The following OSBPL1A variants were observed in gnomAD, a reference collection of about 807,000 sequenced individuals.
OSBPL1A encodes the protein oxysterol-binding protein-related protein 1.
OSBPL1A carries 80 observed loss-of-function variants against 137.1 expected under a neutral mutation model. That is an observed-to-expected ratio of 0.58 (90% CI 0.49 to 0.70). The LOEUF (loss-of-function observed/expected upper bound fraction) is 0.70, where lower values mean the gene tolerates loss of function less well. Ranked by LOEUF, OSBPL1A falls within the 30% of genes least tolerant of loss-of-function variation. OSBPL1A has a pLI of 0.00. For synonymous variants in OSBPL1A, 365 were observed against 389.7 expected (o/e 0.94, Z 0.75); for missense variants, 970 against 1,129.4 (o/e 0.86, Z 2.02).
chr18:24,229,710 C>T (rs1242376817), intron 16 of OSBPL1A, among the ~76,000 whole-genome samples: 1 of 151,986 alleles, frequency 6.6e-6, no homozygotes, highest in Non-Finnish European at 1.5e-5. Flanking sequence ...CAAATCAGTG[C>T]TACATCTTGG....
At chr18:24,253,956 A>G (rs2089190617) in intron 15 of OSBPL1A, among the ~76,000 whole-genome samples, 1 of 152,202 alleles carries the variant, frequency 6.6e-6, no homozygotes, top group Non-Finnish European at 1.5e-5. Flanking sequence ...CAAGGCAAAA[A>G]GGGGGTCTTT....
Position 24,271,624 on chromosome 18 carries a change from G to A in OSBPL1A, c.1281+9218C>T. 2 of 985,818 alleles carry A rather than the reference G, an allele frequency of 2.0e-6. No homozygotes were observed. The highest frequency in any genetic ancestry group is 2.4e-6 in the Non-Finnish European group (2 of 830,226). 61.1% of individuals were successfully genotyped at this position (985,818 alleles called of 1,614,324 possible). ...GAGCTGCAAATACACCCACCTACCT[G>A]GGCCAGATCCGAGGACCCCGGCTGG... On this transcript the variant is annotated intron_variant, in intron 15 of 27. Coordinates refer to ENST00000319481, the MANE Select transcript of OSBPL1A (RefSeq NM_080597.4). The surrounding 1 kb of genome is among the most constrained non-coding windows in gnomAD (Gnocchi z 4.0).
At chr18:24,163,421 T>C (rs1435060758) in intron 27 of OSBPL1A, 140 bp from the exon 28 acceptor site, 3 of 585,718 alleles carry the variant, frequency 5.1e-6, no homozygotes, top group South Asian at 4.5e-5. Context: ...GCTGAAGTGA[T>C]GCTGTATTTC....
intron 2 of OSBPL1A, among the ~76,000 whole-genome samples, chr18:24,375,657 C>G (rs568808273): frequency 2.3e-3 from 353 of 152,288 alleles, no homozygotes; most frequent in Non-Finnish European, 4.3e-3. Flanking sequence ...TCCCATGACA[C>G]CTGCACTTCC....
At chr18:24,273,618 T>C (rs2089774172) in intron 15 of OSBPL1A, among the ~76,000 whole-genome samples, 1 of 152,258 alleles carries the variant, frequency 6.6e-6, no homozygotes, top group African/African-American at 2.4e-5. Flanking sequence ...ACATTCATTA[T>C]TCATTCATTC....
chr18:24,266,663 G>T (rs896866555), intron 15 of OSBPL1A, among the ~76,000 whole-genome samples: 1 of 152,148 alleles, frequency 6.6e-6, no homozygotes, highest in African/African-American at 2.4e-5. Flanking sequence ...TACCTTTTAG[G>T]CTTTTTAAAT....
Position 24,198,863 on chromosome 18 carries a change from G to GTT in OSBPL1A, c.1602-2665_1602-2664dup, listed in dbSNP as rs570099539. On this transcript the variant is annotated intron_variant, in intron 17 of 27. Transcript: ENST00000319481. ...TGTTGTTTTGGTGTTTTTTTTTGTT[G>GTT]TTTTTTTTTTTTGAGAGAGAGTCAC... Among the ~76,000 whole-genome samples the GTT allele has an allele frequency of 9.1e-3, 1,295 of 141,660 alleles. 11 individuals are homozygous for GTT. Among genetic ancestry groups the GTT allele is most frequent in the Middle Eastern group, 0.022 (6 of 274 alleles). The allele number at this position is 141,660 out of a possible 152,430, so 92.9% of individuals were successfully genotyped here.
intron 4 of OSBPL1A, among the ~76,000 whole-genome samples, chr18:24,353,730 A>C (rs926116701): frequency 2.9e-4 from 44 of 152,040 alleles, no homozygotes; most frequent in African/African-American, 1.1e-3. Context: ...ATGGAATACT[A>C]TGCAGCCATA....
intron 2 of OSBPL1A, among the ~76,000 whole-genome samples, chr18:24,373,939 AT>A (rs1905878380): frequency 6.6e-6 from 1 of 152,162 alleles, no homozygotes; most frequent in South Asian, 2.1e-4. Context: ...ATTGAAAAAA[AT>A]ATTAACATAT....
intron 15 of OSBPL1A, among the ~76,000 whole-genome samples, chr18:24,269,787 T>C (rs909202429): frequency 2.7e-5 from 4 of 150,534 alleles, no homozygotes; most frequent in African/African-American, 9.8e-5. Context: ...ATAGTCTTGG[T>C]ACCATCGTGA....
At chr18:24,390,646 G>T (rs1255737419) in intron 1 of OSBPL1A, among the ~76,000 whole-genome samples, 1 of 119,894 alleles carries the variant, frequency 8.3e-6, no homozygotes, top group Non-Finnish European at 1.6e-5. Flanking sequence ...AGTGAGCCAA[G>T]ATCGTGCTAC....
At chr18:24,228,502 T>C (rs933083781) in intron 16 of OSBPL1A, among the ~76,000 whole-genome samples, 1 of 152,108 alleles carries the variant, frequency 6.6e-6, no homozygotes, top group African/African-American at 2.4e-5. Flanking sequence ...CCCTTCCTCA[T>C]ATCTTGCAAG....
intron 4 of OSBPL1A, among the ~76,000 whole-genome samples, chr18:24,344,997 TAG>T (rs1186697072): frequency 6.6e-6 from 1 of 151,702 alleles, no homozygotes; most frequent in Non-Finnish European, 1.5e-5. Context: ...CATTTTTTTG[TAG>T]AGACAGGGTT....
At chr18:24,385,118 C>A (rs1302375265) in intron 1 of OSBPL1A, among the ~76,000 whole-genome samples, 14 of 151,990 alleles carry the variant, frequency 9.2e-5, no homozygotes, top group South Asian at 6.2e-4. Context: ...CCACACCCGG[C>A]TAATTTTTTG....
chr18:24,279,385 C>T (rs143985462), intron 15 of OSBPL1A, among the ~76,000 whole-genome samples: 216 of 151,838 alleles, frequency 1.4e-3, no homozygotes, highest in African/African-American at 5.0e-3. Context: ...GCCATGACTG[C>T]GCTACTGTAC....
chr18:24,324,953 G>A (rs1244639523), intron 7 of OSBPL1A, among the ~76,000 whole-genome samples: 1 of 151,928 alleles, frequency 6.6e-6, no homozygotes, highest in Non-Finnish European at 1.5e-5. Context: ...GGGCATGGTA[G>A]CGCGCACCTG....
Position 24,191,499 on chromosome 18 carries a change from A to T in OSBPL1A, c.1677+4626T>A, listed in dbSNP as rs551662144. On this transcript the variant is annotated intron_variant, in intron 18 of 27. Coordinates refer to ENST00000319481, the MANE Select transcript of OSBPL1A (RefSeq NM_080597.4). ...GCAGCAAGTGATATTCATCTCAGAT[A>T]TCTAAAACCAATTGAAAAAAATTTT... Among the ~76,000 whole-genome samples the T allele has an allele frequency of 2.6e-5, 4 of 151,714 alleles. 1 individual carries two copies. Among genetic ancestry groups the T allele is most frequent in the African/African-American group, 9.7e-5 (4 of 41,348 alleles).
chr18:24,255,951 C>T (rs2089261741), intron 15 of OSBPL1A, among the ~76,000 whole-genome samples: 1 of 152,110 alleles, frequency 6.6e-6, no homozygotes, highest in African/African-American at 2.4e-5. Flanking sequence ...TGCGCCACCA[C>T]ACCTGGCTGA....
rs139938461 is a variant in OSBPL1A at position 24,325,473 on chromosome 18, C to G, written c.626-6664G>C. On this transcript the variant is annotated intron_variant, in intron 7 of 27. Transcript: ENST00000319481. The stretch of plus-strand genomic sequence containing the variant: ...CCATTTTCCTTGAATGCTCTTCTGC[C>G]AGACTTCCTCAGGGTTCACTCCTGT... Among the ~76,000 whole-genome samples the G allele has an allele frequency of 3.6e-3, 556 of 152,368 alleles. 3 individuals carry two copies. The highest frequency in any genetic ancestry group is 0.02 in the Middle Eastern group (6 of 294).
Sources: gnomAD v4.1 joint callset for allele counts (sites outside exome capture counted in the v4.1 genomes callset) on GRCh38, gnomAD v4.1.1 for gene constraint, Gnocchi (gnomAD v3.1) non-coding constraint, MANE v1.5 for transcripts, NCBI Gene and HGNC (gene_info 2026-07-23, HGNC 2026-07-21) for gene names.